The following GRIA1 variants were observed in gnomAD, a reference collection of about 807,000 sequenced individuals.
GRIA1 encodes glutamate receptor 1.
Under a neutral mutation model 99.2 loss-of-function variants are expected in GRIA1, and 31 were observed. The observed-to-expected ratio is 0.31, with a 90% CI of 0.23 to 0.42. The LOEUF is 0.42. Ranked by LOEUF, GRIA1 falls within the 10% of genes least tolerant of loss-of-function variation. The pLI is 1.00. For missense variants in GRIA1, 782 were observed against 1,157.5 expected (o/e 0.68, Z 4.71); for synonymous variants, 438 against 432.4 (o/e 1.01, Z -0.16).
rs555288756 is a variant in GRIA1, at chr5:153,741,733, G to T, written c.1824-22701G>T. ...GCATAGAATTAAAGAGTGGAATGGT[G>T]GTTGCCAGGGACTGAGGCAGGGGGA... On this transcript the variant is annotated intron_variant, in intron 11 of 15. Transcript: ENST00000285900. 1.5e-4 allele frequency among the ~76,000 whole-genome samples: 23 copies of T among 152,262 alleles called. No individual in the cohort carries two copies. In the East Asian group the frequency reaches 3.1e-3, roughly 20 times the overall value.
chr5:153,604,439 T>C (rs1765273988), intron 2 of GRIA1, among the ~76,000 whole-genome samples: 1 of 152,340 alleles, frequency 6.6e-6, no homozygotes, highest in East Asian at 1.9e-4. Context: ...TAGGTTTCTG[T>C]CTTCTCACTT....
At chr5:153,527,706 G>A (rs1045613465) in intron 2 of GRIA1, among the ~76,000 whole-genome samples, 35 of 152,206 alleles carry the variant, frequency 2.3e-4, no homozygotes, top group African/African-American at 8.2e-4. Flanking sequence ...ATTCCAAAAA[G>A]TGTAGTTTCA....
intron 11 of GRIA1, among the ~76,000 whole-genome samples, chr5:153,764,183 G>A (rs1581616796): frequency 6.6e-6 from 1 of 152,188 alleles, no homozygotes; most frequent in African/African-American, 2.4e-5. Context: ...GTAAAAGGGA[G>A]TGTGAATACG....
At chr5:153,647,513 T>A (rs1754241474) in intron 3 of GRIA1, among the ~76,000 whole-genome samples, 1 of 152,174 alleles carries the variant, frequency 6.6e-6, no homozygotes, top group South Asian at 2.1e-4. Flanking sequence ...TTGGACAAAC[T>A]CTCTCTGCCT....
At chr5:153,591,425 A>G (rs10051060) in intron 2 of GRIA1, among the ~76,000 whole-genome samples, 9,995 of 152,308 alleles carry the variant, frequency 0.066, 435 homozygotes, top group African/African-American at 0.12. Flanking sequence ...ACCCTGACCA[A>G]CACATCCCTA....
chr5:153,717,883 G>T (rs895351432), intron 11 of GRIA1, among the ~76,000 whole-genome samples: 2 of 152,208 alleles, frequency 1.3e-5, no homozygotes, highest in East Asian at 3.8e-4. Context: ...CTCCTGAGCA[G>T]CAGGTAGAAG....
At chr5:153,793,223 A>T (rs556398490) in intron 13 of GRIA1, among the ~76,000 whole-genome samples, 16 of 152,222 alleles carry the variant, frequency 1.1e-4, no homozygotes, top group African/African-American at 3.9e-4. Context: ...AACTGTCTAC[A>T]TTCAGCAGTG....
intron 13 of GRIA1, among the ~76,000 whole-genome samples, chr5:153,780,078 G>T (rs573443800): frequency 1.3e-5 from 2 of 152,276 alleles, no homozygotes; most frequent in South Asian, 2.1e-4. Context: ...TACACAAATT[G>T]CATGTTGCTT....
intron 2 of GRIA1, among the ~76,000 whole-genome samples, chr5:153,528,113 G>A (rs1002946130): frequency 1.3e-5 from 2 of 151,956 alleles, no homozygotes; most frequent in African/African-American, 2.4e-5. Context: ...TGTTATTATT[G>A]AATATTTTAT....
Position 153,712,021 on chromosome 5 carries a change from A to G in GRIA1, c.1823+5954A>G, listed in dbSNP as rs144135805. 8.4e-3 allele frequency among the ~76,000 whole-genome samples: 1,285 copies of G among 152,154 alleles called. 7 individuals are homozygous for G. The highest frequency in any genetic ancestry group is 0.014 in the Middle Eastern group (4 of 292). On this transcript the variant is annotated intron_variant, in intron 11 of 15. Coordinates refer to ENST00000285900, the MANE Select transcript of GRIA1 (RefSeq NM_000827.4). ...CTTTGGAGGTCTCCTGGAGCCTGAT[A>G]TCATAACCTCCTCCCTCCACTAATT... is the stretch of plus-strand genomic sequence containing the variant.
intron 2 of GRIA1, among the ~76,000 whole-genome samples, chr5:153,569,317 T>C (rs936577723): frequency 1.3e-5 from 2 of 152,242 alleles, no homozygotes; most frequent in Non-Finnish European, 2.9e-5. Flanking sequence ...AGTTCAGCAA[T>C]TGTGTAAACA....
At chr5:153,491,392 T>TGTGC in intron 1 of GRIA1, 2 of 728,502 alleles carry the variant, frequency 2.7e-6, no homozygotes, top group Non-Finnish European at 3.4e-6. Flanking sequence ...TATGCACATA[T>TGTGC]ATATGTAATT....
Position 153,774,083 on chromosome 5 carries a change from C to A in GRIA1, c.2270+3668C>A, listed in dbSNP as rs1194091791. Among the ~76,000 whole-genome samples the A allele has an allele frequency of 8.0e-3, 1,001 of 125,158 alleles. 24 individuals carry two copies. The highest frequency in any genetic ancestry group is 0.029 in the African/African-American group (943 of 33,058). The allele number at this position is 125,158 out of a possible 152,430, so 82.1% of individuals were successfully genotyped here. A position where few individuals can be genotyped will look rare whatever the true frequency, so the allele number is the denominator to read the frequency against. ...CACCCCAACCCCCCCTCCCCCCACA[C>A]ACACACACACACTCCAGCCAAGTTT... On this transcript the variant is annotated intron_variant, in intron 13 of 15. Transcript: ENST00000285900.
intron 2 of GRIA1, among the ~76,000 whole-genome samples, chr5:153,598,254 A>C (rs1764593533): frequency 6.6e-6 from 1 of 152,078 alleles, no homozygotes; most frequent in African/African-American, 2.4e-5. Flanking sequence ...GGAGAATGCA[A>C]GAATAGGAAG....
At chr5:153,511,160 C>A (rs932175181) in intron 2 of GRIA1, among the ~76,000 whole-genome samples, 1 of 152,134 alleles carries the variant, frequency 6.6e-6, no homozygotes, top group African/African-American at 2.4e-5. Context: ...TGACCACAAC[C>A]AAGGAGTATT....
At chr5:153,754,137 G>A (rs993301803) in intron 11 of GRIA1, among the ~76,000 whole-genome samples, 3 of 152,264 alleles carry the variant, frequency 2.0e-5, no homozygotes, top group Non-Finnish European at 4.4e-5. Flanking sequence ...CTCATTCCCA[G>A]CCCTGGCCTC....
chr5:153,771,164 T>C (rs1763859216), intron 13 of GRIA1, among the ~76,000 whole-genome samples: 1 of 152,196 alleles, frequency 6.6e-6, no homozygotes, highest in Admixed American at 6.5e-5. Context: ...AGAGGGAGGA[T>C]AATTGGCCCA....
intron 2 of GRIA1, among the ~76,000 whole-genome samples, chr5:153,626,432 G>GTGTGTGTGTGTA (rs1273929422): frequency 3.7e-3 from 514 of 138,952 alleles, no homozygotes; most frequent in Non-Finnish European, 6.6e-3. Flanking sequence ...TCTAGTCTCT[G>GTGTGTGTGTGTA]TGTGTGTGTG....
At chr5:153,770,003 G>T (rs1408644035) in intron 12 of GRIA1, among the ~76,000 whole-genome samples, 165 bp from the exon 13 acceptor site, 1 of 152,094 alleles carries the variant, frequency 6.6e-6, no homozygotes, top group African/African-American at 2.4e-5. Flanking sequence ...GAACCTACTG[G>T]TACTAATTAG....
Sources: allele counts gnomAD v4.1 joint callset (sites outside exome capture counted in the v4.1 genomes callset), GRCh38; gene constraint gnomAD v4.1.1; transcripts MANE v1.5; gene names NCBI Gene and HGNC (gene_info 2026-07-23, HGNC 2026-07-21).